The following BMP4 variants were observed in gnomAD, a reference collection of about 807,000 sequenced individuals.
BMP4 encodes the protein bone morphogenetic protein 4.
In BMP4, 3 loss-of-function variants were observed where a neutral mutation model predicts 29.6. That is an observed-to-expected ratio of 0.10 (90% CI 0.05 to 0.26). The LOEUF (loss-of-function observed/expected upper bound fraction) is 0.26. Ranked by LOEUF, BMP4 falls within the 10% of genes least tolerant of loss-of-function variation. The pLI, the probability that BMP4 is intolerant of heterozygous loss-of-function variation, is 1.00. For missense variants in BMP4, 455 were observed against 550.2 expected, an observed-to-expected ratio of 0.83 and a Z score of 1.73; for synonymous variants, 197 against 213.2, an observed-to-expected ratio of 0.92 and a Z score of 0.66.
In BMP4 at chr14:53,950,628, G is replaced by C. The variant is rs748940819; in HGVS notation, c.631C>G (p.Arg211Gly). The C allele has an allele frequency of 6.2e-7, 1 of 1,614,136 alleles. No individual in the cohort carries two copies. The highest frequency in any genetic ancestry group is 1.3e-5 in the African/African-American group (1 of 74,950). Reference protein sequence around the residue: ...DTRLVHHNVTRWETFDVSPAV... With the variant: ...DTRLVHHNVTGWETFDVSPAV... Reference sequence around the variant, plus strand: ...GGGCTCACATCAAAAGTTTCCCACCGTGTCACATTGTGGTGGACCAGTCTC... The same window carrying C: ...GGGCTCACATCAAAAGTTTCCCACCCTGTCACATTGTGGTGGACCAGTCTC... Residue 211 changes from arginine to glycine, a missense_variant, in exon 4 of 4, where the codon CGG becomes GGG. Coordinates refer to ENST00000245451, the MANE Select transcript of BMP4 (RefSeq NM_001202.6). This position sits in a 1 kb window ranked among gnomAD's most constrained non-coding sequence, Gnocchi z 5.4.
At chr14:53,953,913 G>A (rs1895589987) in intron 1 of BMP4, among the ~76,000 whole-genome samples, 1 of 138,730 alleles carries the variant, frequency 7.2e-6, no homozygotes, top group South Asian at 2.4e-4. Context: ...CCCTGCCCAC[G>A]CGCGTGTACA....
chr14:53,953,468 GGA>G, intron 1 of BMP4, 68 bp from the exon 2 acceptor site: 1 of 397,730 alleles, frequency 2.5e-6, no homozygotes. Context: ...CCAGCCCCTC[GGA>G]GTCACGTGAG....
chr14:53,951,861 T>C lies in BMP4; in HGVS notation c.362A>G (p.His121Arg), dbSNP rs376960358. 199 of 1,599,388 alleles carry C rather than the reference T, an allele frequency of 1.2e-4. 1 individual carries two copies. The highest frequency in any genetic ancestry group is 7.0e-4 in the Admixed American group (42 of 59,994). ...TGGGGGAAGAGACTGACCTTCGTGG[T>C]GGAAGCTCCTCACGGTGTTGGCCCG... is the stretch of plus-strand genomic sequence containing the variant. ...ASRANTVRSF[H>R]HEEHLENIPG... is the part of the protein sequence containing the mutation. The change falls in exon 3 of 4, where the codon CAC (histidine) becomes CGC (arginine). Residue 121 changes from histidine to arginine, a missense_variant. His to Arg is a conservative substitution (Grantham distance 29, BLOSUM62 0). Coordinates refer to ENST00000245451, the MANE Select transcript of BMP4 (RefSeq NM_001202.6).
chr14:53,951,363 A>G, intron 3 of BMP4: 1 of 214,188 alleles, frequency 4.7e-6, no homozygotes, highest in South Asian at 8.3e-5. Context: ...TCTTGGAAAC[A>G]CAGAGCATGC....
chr14:53,950,893 G>A lies in BMP4; in HGVS notation c.371-5C>T. 1 of 1,601,086 alleles carries A rather than the reference G, an allele frequency of 6.2e-7. No individual in the cohort carries two copies. The highest frequency in any genetic ancestry group is 8.5e-7 in the Non-Finnish European group (1 of 1,179,956). On this transcript the variant is annotated splice_polypyrimidine_tract_variant and splice_region_variant and intron_variant, in intron 3 of 3. Transcript: ENST00000245451. This position sits in a 1 kb window ranked among gnomAD's most constrained non-coding sequence, Gnocchi z 5.4. ...CTGGGATGTTCTCCAGATGTTCTAG[G>A]CACAGTTAGGAAGGAAGGGGAAAAG...
Position 53,949,946 on chromosome 14 carries a change from G to T in BMP4, c.*86C>A. On this transcript the variant is annotated 3_prime_UTR_variant, in exon 4 of 4. Transcript: ENST00000245451. The stretch of plus-strand genomic sequence containing the variant: ...AGGAAGCAGTCTGTGTAGTGTGTGG[G>T]TGAGTGGATGGGAACGTGTGTGTGT... 6.9e-7 allele frequency: 1 copy of T among 1,446,272 alleles called. No individual in the cohort carries two copies. The highest frequency in any genetic ancestry group is 9.6e-7 in the Non-Finnish European group (1 of 1,046,928). The allele number at this position is 1,446,272 out of a possible 1,614,324, so 89.6% of individuals were successfully genotyped here. A position where few individuals can be genotyped will look rare whatever the true frequency, so the allele number is the denominator to read the frequency against.
rs1275940638 is a variant in BMP4 at position 53,954,985 on chromosome 14, C to T, written c.-133+1565G>A. ...AAAGGATCGAACAGCTCAGCCCTCCCTCCCGACCGTGGATGCCCGGAGTCG... is the reference window on the plus strand; with the variant it reads ...AAAGGATCGAACAGCTCAGCCCTCCTTCCCGACCGTGGATGCCCGGAGTCG... On this transcript the variant is annotated intron_variant, in intron 1 of 3. Coordinates refer to ENST00000245451, the MANE Select transcript of BMP4 (RefSeq NM_001202.6). This position sits in a 1 kb window ranked among gnomAD's most constrained non-coding sequence, Gnocchi z 4.8. 6.6e-6 allele frequency among the ~76,000 whole-genome samples: 1 copy of T among 152,212 alleles called. No individual in the cohort carries two copies. The highest frequency in any genetic ancestry group is 1.9e-4 in the East Asian group (1 of 5,174).
Position 53,956,768 on chromosome 14 carries a change from G to C in BMP4, c.-351C>G. 2.5e-6 allele frequency: 1 copy of C among 400,002 alleles called. No homozygotes were observed. The highest frequency in any genetic ancestry group is 4.4e-6 in the Non-Finnish European group (1 of 227,002). The allele number at this position is 400,002 out of a possible 1,614,324, so 24.8% of individuals were successfully genotyped here. ...CGGATGCCACACTCACCTAGCTTCC[G>C]GGCCGGGCTCCGCGCTCCTTCCCTC... On this transcript the variant is annotated 5_prime_UTR_variant, in exon 1 of 4. Transcript: ENST00000245451.
chr14:53,956,533 C>G lies in BMP4; in HGVS notation c.-133+17G>C. Reference sequence around the variant, plus strand: ...ACCCCCTCTGCCTGTCTCCCCTCACCAGGTAGCCTTGCTCACCATAGGTCC... The same window carrying G: ...ACCCCCTCTGCCTGTCTCCCCTCACGAGGTAGCCTTGCTCACCATAGGTCC... On this transcript the variant is annotated intron_variant, in intron 1 of 3. Coordinates refer to ENST00000245451, the MANE Select transcript of BMP4 (RefSeq NM_001202.6). The G allele has an allele frequency of 2.5e-6, 1 of 399,594 alleles. No individual in the cohort carries two copies. Among genetic ancestry groups the G allele is most frequent in the Non-Finnish European group, 4.4e-6 (1 of 226,520 alleles). The allele number at this position is 399,594 out of a possible 1,614,324, so 24.8% of individuals were successfully genotyped here.
In BMP4 at chr14:53,950,267, C is replaced by T; in HGVS notation, c.992G>A (p.Gly331Asp). The stretch of plus-strand genomic sequence containing the variant: ...CCCATGGCAGTAGAAGGCCTGGTAG[C>T]CTGGTGGGGCCACAATCCAGTCATT... ...GWNDWIVAPPGYQAFYCHGDC... is the reference protein window; with the variant it reads ...GWNDWIVAPPDYQAFYCHGDC... The change falls in exon 4 of 4, where the codon GGC becomes GAC. Residue 331 changes from glycine to aspartate, a missense_variant. This residue lies in a region of BMP4 where 154 missense variants were observed against 156.8 expected (regional missense o/e 0.98). Coordinates refer to ENST00000245451, the MANE Select transcript of BMP4 (RefSeq NM_001202.6). This position sits in a 1 kb window ranked among gnomAD's most constrained non-coding sequence, Gnocchi z 5.4. The T allele has an allele frequency of 1.2e-6, 2 of 1,614,244 alleles. No individual in the cohort carries two copies. Among genetic ancestry groups the T allele is most frequent in the Non-Finnish European group, 1.7e-6 (2 of 1,180,052 alleles).
Position 53,955,130 on chromosome 14 carries a change from G to A in BMP4, c.-133+1420C>T, listed in dbSNP as rs1895661891. Among the ~76,000 whole-genome samples the A allele has an allele frequency of 6.6e-6, 1 of 152,194 alleles. No individual in the cohort carries two copies. The highest frequency in any genetic ancestry group is 1.5e-5 in the Non-Finnish European group (1 of 68,026). On this transcript the variant is annotated intron_variant, in intron 1 of 3. Transcript: ENST00000245451. The surrounding 1 kb of genome is among the most constrained non-coding windows in gnomAD (Gnocchi z 4.0). ...CCGCGCCACCGCTGGGGCGGGCTGC[G>A]AAAGGGTTGGGAAGAGCAAAGGGTT...
intron 1 of BMP4, among the ~76,000 whole-genome samples, chr14:53,953,970 C>G (rs1209567781): frequency 6.6e-6 from 1 of 152,192 alleles, no homozygotes; most frequent in East Asian, 1.9e-4. Flanking sequence ...CTCCCCGCCA[C>G]TTCCTCCCCA....
At position 53,955,658 on chromosome 14, in the gene BMP4, C is replaced by T. The variant is rs1826375213; in HGVS notation, c.-133+892G>A. 1 of 152,222 alleles carries T rather than the reference C, an allele frequency of 6.6e-6. No individual in the cohort carries two copies. The allele number at this position is 152,222 out of a possible 1,614,324, so 9.4% of individuals were successfully genotyped here. On this transcript the variant is annotated intron_variant, in intron 1 of 3. Transcript: ENST00000245451. The surrounding 1 kb of genome is among the most constrained non-coding windows in gnomAD (Gnocchi z 4.0). ...ACAAACCGCGATCCTTGGAAACCAT[C>T]CTCCAAAGCAGTGCTTGGAGGCCTC...
Position 53,954,997 on chromosome 14 carries a change from G to A in BMP4, c.-133+1553C>T, listed in dbSNP as rs1895653739. Among the ~76,000 whole-genome samples, 1 of 152,210 alleles carries A rather than the reference G, an allele frequency of 6.6e-6. No homozygotes were observed. The highest frequency in any genetic ancestry group is 1.9e-4 in the East Asian group (1 of 5,174). On this transcript the variant is annotated intron_variant, in intron 1 of 3. Coordinates refer to ENST00000245451, the MANE Select transcript of BMP4 (RefSeq NM_001202.6). The surrounding 1 kb of genome is among the most constrained non-coding windows in gnomAD (Gnocchi z 4.8). ...AGCTCAGCCCTCCCTCCCGACCGTG[G>A]ATGCCCGGAGTCGACCAACACCTCA...
At position 53,949,930 on chromosome 14, in the gene BMP4, T is replaced by G; in HGVS notation, c.*102A>C. 8.0e-7 allele frequency: 1 copy of G among 1,242,632 alleles called. No homozygotes were observed. Among genetic ancestry groups the G allele is most frequent in the Non-Finnish European group, 1.1e-6 (1 of 875,578 alleles). 77.0% of individuals were successfully genotyped at this position (1,242,632 alleles called of 1,614,324 possible). ...TAAAAGTCCAGCTATAAGGAAGCAG[T>G]CTGTGTAGTGTGTGGGTGAGTGGAT... On this transcript the variant is annotated 3_prime_UTR_variant, in exon 4 of 4. Transcript: ENST00000245451.
chr14:53,956,817 G>C lies in BMP4; in HGVS notation c.-400C>G, dbSNP rs1594799428. The C allele has an allele frequency of 2.0e-5, 8 of 398,274 alleles. No homozygotes were observed. In the East Asian group the frequency reaches 2.9e-4, roughly 14 times the overall value. 24.7% of individuals were successfully genotyped at this position (398,274 alleles called of 1,614,324 possible). ...TCCCTCCCTCCTCCTCTGCCTTCTC[G>C]CATCTTCCTTCCTCCTCTTTCCCTC... On this transcript the variant is annotated 5_prime_UTR_variant, in exon 1 of 4. Transcript: ENST00000245451.
At position 53,950,050 on chromosome 14, in the gene BMP4, C is replaced by T. The variant is rs780662639; in HGVS notation, c.1209G>A (p.Glu403=). 4.3e-6 allele frequency: 7 copies of T among 1,614,066 alleles called. No individual in the cohort carries two copies. The Admixed American group carries it at 1.2e-4, about 27-fold the overall frequency. The change falls in exon 4 of 4, where the codon GAG becomes GAA. Residue 403 remains glutamate (E), a synonymous_variant. Coordinates refer to ENST00000245451, the MANE Select transcript of BMP4 (RefSeq NM_001202.6). This position sits in a 1 kb window ranked among gnomAD's most constrained non-coding sequence, Gnocchi z 5.4. ...VLKNYQEMVV[E]GCGCR ...CCTGATCTCAGCGGCACCCACATCC[C>T]TCTACTACCATCTCCTGATAATTTT...
At position 53,952,203 on chromosome 14, in the gene BMP4, A is replaced by G. The variant is rs1895473716; in HGVS notation, c.20T>C (p.Met7Thr). The change falls in exon 3 of 4, where the codon ATG becomes ACG. Residue 7 changes from methionine to threonine, a missense_variant. Around this residue, in one of 4 missense-constraint regions of BMP4, gnomAD observed 249 missense variants for 284.6 expected, o/e 0.87. Coordinates refer to ENST00000245451, the MANE Select transcript of BMP4 (RefSeq NM_001202.6). Reference sequence around the variant, plus strand: ...TTGGCATAATAAAACGACCATCAGCATTCGGTTACCAGGAATCATGGTGTC... The same window carrying G: ...TTGGCATAATAAAACGACCATCAGCGTTCGGTTACCAGGAATCATGGTGTC... MIPGNR[M>T]LMVVLLCQVL... The G allele has an allele frequency of 6.2e-7, 1 of 1,614,024 alleles. No homozygotes were observed. Among genetic ancestry groups the G allele is most frequent in the African/African-American group, 1.3e-5 (1 of 74,910 alleles).
chr14:53,952,138 C>G lies in BMP4; in HGVS notation c.85G>C (p.Glu29Gln), dbSNP rs1258691934. 4 of 1,613,914 alleles carry G rather than the reference C, an allele frequency of 2.5e-6. No individual in the cohort carries two copies. The highest frequency in any genetic ancestry group is 3.4e-6 in the Non-Finnish European group (4 of 1,179,810). Residue 29 changes from glutamate to glutamine, a missense_variant, in exon 3 of 4, where the codon GAG (glutamate) becomes CAG (glutamine). Around this residue, in one of 4 missense-constraint regions of BMP4, gnomAD observed 249 missense variants for 284.6 expected, o/e 0.87. Coordinates refer to ENST00000245451, the MANE Select transcript of BMP4 (RefSeq NM_001202.6). Reference sequence around the variant, plus strand: ...TCGGCGACTTTTTTCTTCCCCGTCTCAGGTATCAAACTAGCATGGCTCGCG... The same window carrying G: ...TCGGCGACTTTTTTCTTCCCCGTCTGAGGTATCAAACTAGCATGGCTCGCG... ...GGASHASLIP[E>Q]TGKKKVAEIQ...
Sources: gnomAD v4.1 joint callset for allele counts (sites outside exome capture counted in the v4.1 genomes callset) on GRCh38, gnomAD v4.1.1 for gene constraint, gnomAD v4.1.1 regional missense constraint, Gnocchi (gnomAD v3.1) non-coding constraint, MANE v1.5 for transcripts, NCBI Gene and HGNC (gene_info 2026-07-23, HGNC 2026-07-21) for gene names.